The following TUSC3 variants were observed in gnomAD, a reference collection of about 807,000 sequenced individuals.
TUSC3 encodes tumor suppressor candidate 3, also known as dolichyl-diphosphooligosaccharide--protein glycosyltransferase subunit TUSC3.
Under a neutral mutation model 44.8 loss-of-function variants are expected in TUSC3, and 45 were observed. The ratio of observed to expected loss-of-function variants is 1.00; its 90% confidence interval spans 0.79 to 1.29. The LOEUF (loss-of-function observed/expected upper bound fraction) is 1.29, where lower values mean the gene tolerates loss of function less well. TUSC3 is among the 50% of genes most tolerant of loss of function. The probability of loss-of-function intolerance (pLI) is 0.00; values close to 1 mark genes in which losing one functional copy is unlikely to be tolerated. For synonymous variants in TUSC3, 212 were observed against 152.9 expected (o/e 1.39, Z -2.85); for missense variants, 519 against 437.9 (o/e 1.19, Z -1.65).
chr8:15,496,113 T>C lies in TUSC3; in HGVS notation n.189+12630T>C, dbSNP rs565845079. ...AGAGGAAAGCCACGACCACTAAAATTAGTGATGCTCATGCCCCTCTCAATA... is the reference window on the plus strand; with the variant it reads ...AGAGGAAAGCCACGACCACTAAAATCAGTGATGCTCATGCCCCTCTCAATA... On this transcript the variant is annotated intron_variant and non_coding_transcript_variant, in intron 2 of 5. Coordinates refer to the TUSC3 transcript ENST00000503191. 1.9e-3 allele frequency among the ~76,000 whole-genome samples: 287 copies of C among 152,280 alleles called. 3 individuals are homozygous for C. The highest frequency in any genetic ancestry group is 6.4e-3 in the African/African-American group (268 of 41,570).
chr8:15,787,263 T>G, the TUSC3 span, among the ~76,000 whole-genome samples: 2 of 152,170 alleles, frequency 1.3e-5, no homozygotes, highest in African/African-American at 4.8e-5. Context: ...AAGCTATTTT[T>G]ACAATCAGCA....
chr8:15,610,374 G>T (rs1804707792), intron 1 of TUSC3, among the ~76,000 whole-genome samples: 1 of 152,112 alleles, frequency 6.6e-6, no homozygotes, highest in Non-Finnish European at 1.5e-5. Context: ...GAGTAGTTAA[G>T]TTTCTCATGG....
chr8:15,740,874 A>T (rs1439877850), intron 7 of TUSC3, among the ~76,000 whole-genome samples: 1 of 152,218 alleles, frequency 6.6e-6, no homozygotes, highest in African/African-American at 2.4e-5. Context: ...GCATTTGGAA[A>T]CAAATGCCAT....
intron 6 of TUSC3, among the ~76,000 whole-genome samples, chr8:15,730,414 T>G (rs1322399871): frequency 1.3e-5 from 2 of 152,166 alleles, no homozygotes; most frequent in African/African-American, 4.8e-5. Context: ...GATAAATCCT[T>G]TAACAAGTTA....
intron 1 of TUSC3, among the ~76,000 whole-genome samples, chr8:15,440,752 A>C (rs189564585): frequency 6.6e-6 from 1 of 152,326 alleles, no homozygotes. Context: ...TTCTTCAGGA[A>C]ACTATGTCTT....
Position 15,687,149 on chromosome 8 carries a change from T to C in TUSC3, c.798+13313T>C, listed in dbSNP as rs142975428. On this transcript the variant is annotated intron_variant, in intron 6 of 10. Coordinates refer to ENST00000503731, the MANE Select transcript of TUSC3 (RefSeq NM_006765.4). ...TAAGGATATACAGAAATCTTGATGTTAGTATTTGGAATTGAGATTCTTCCC... is the reference window on the plus strand; with the variant it reads ...TAAGGATATACAGAAATCTTGATGTCAGTATTTGGAATTGAGATTCTTCCC... 8.9e-4 allele frequency among the ~76,000 whole-genome samples: 135 copies of C among 152,304 alleles called. 1 individual carries two copies. The highest frequency in any genetic ancestry group is 3.4e-3 in the Middle Eastern group (1 of 294).
chr8:15,666,119 C>T (rs1302555423), intron 5 of TUSC3, among the ~76,000 whole-genome samples: 1 of 151,272 alleles, frequency 6.6e-6, no homozygotes, highest in Admixed American at 6.6e-5. Flanking sequence ...GACTTGGAAC[C>T]AAAATGAGTT....
At chr8:15,485,316 C>G (rs373819108) in intron 2 of TUSC3, among the ~76,000 whole-genome samples, 12 of 152,276 alleles carry the variant, frequency 7.9e-5, no homozygotes, top group African/African-American at 2.9e-4. Flanking sequence ...TTCCAGGGTT[C>G]ATCACCAGGT....
At chr8:15,478,318 A>C (rs528418408) in intron 1 of TUSC3, among the ~76,000 whole-genome samples, 1 of 152,174 alleles carries the variant, frequency 6.6e-6, no homozygotes, top group East Asian at 1.9e-4. Context: ...CAGGATGTGC[A>C]GGGTTTTTAC....
chr8:15,443,582 G>T (rs761667220), intron 1 of TUSC3, among the ~76,000 whole-genome samples: 2 of 152,018 alleles, frequency 1.3e-5, no homozygotes, highest in Non-Finnish European at 2.9e-5. Context: ...ATTCCTTCCT[G>T]GGTGTAGGCT....
intron 1 of TUSC3, among the ~76,000 whole-genome samples, chr8:15,428,692 GT>G (rs1329776648): frequency 6.6e-6 from 1 of 152,148 alleles, no homozygotes; most frequent in Non-Finnish European, 1.5e-5. Flanking sequence ...TCTCATTGTG[GT>G]TTTGATTTGC....
rs148559986 is a variant in TUSC3 at position 15,707,556 on chromosome 8, A to T, written c.799-23110A>T. On this transcript the variant is annotated intron_variant, in intron 6 of 10. Coordinates refer to ENST00000503731, the MANE Select transcript of TUSC3 (RefSeq NM_006765.4). ...CAGGCCTGTAGGGGAAATGATATGT[A>T]AGTAGACAACAGCCATGCAGCTTGG... 1.3e-4 allele frequency among the ~76,000 whole-genome samples: 20 copies of T among 152,110 alleles called. No individual in the cohort carries two copies. In the East Asian group the frequency reaches 3.7e-3, roughly 28 times the overall value.
the TUSC3 span, among the ~76,000 whole-genome samples, chr8:15,821,718 A>G: frequency 6.6e-6 from 1 of 151,946 alleles, no homozygotes; most frequent in East Asian, 1.9e-4. Flanking sequence ...TTCCTTCACA[A>G]TCTGCCCCCT....
the TUSC3 span, among the ~76,000 whole-genome samples, chr8:15,780,602 G>C: frequency 6.6e-6 from 1 of 152,166 alleles, no homozygotes; most frequent in African/African-American, 2.4e-5. Flanking sequence ...ATTAGCTTCT[G>C]ACTAGTCTGC....
intron 4 of TUSC3, among the ~76,000 whole-genome samples, chr8:15,660,040 C>G (rs752916562): frequency 1.2e-4 from 19 of 152,016 alleles, no homozygotes; most frequent in South Asian, 4.1e-4. Flanking sequence ...AATGTCTACT[C>G]AGATTTACTG....
the TUSC3 span, chr8:15,807,074 G>C: frequency 7.2e-7 from 1 of 1,391,134 alleles, no homozygotes; most frequent in Non-Finnish European, 1.0e-6. Flanking sequence ...GCTCACAGCA[G>C]TATTTGGCAA....
chr8:15,558,970 T>G (rs529822635), intron 1 of TUSC3, among the ~76,000 whole-genome samples: 131 of 150,658 alleles, frequency 8.7e-4, no homozygotes, highest in African/African-American at 3.1e-3. Context: ...GATTCATTAA[T>G]TTTTTGAAGG....
At chr8:15,503,460 A>G (rs1420330966) in intron 2 of TUSC3, among the ~76,000 whole-genome samples, 1 of 152,026 alleles carries the variant, frequency 6.6e-6, no homozygotes, top group Non-Finnish European at 1.5e-5. Flanking sequence ...CTTCTGCCCT[A>G]TGATCTGAAA....
chr8:15,484,169 C>A (rs1053953533), intron 2 of TUSC3, among the ~76,000 whole-genome samples: 10 of 151,988 alleles, frequency 6.6e-5, no homozygotes, highest in Non-Finnish European at 1.3e-4. Context: ...TAAATTAGGT[C>A]TATTTTTAGT....
Sources: gnomAD v4.1 joint callset for allele counts (sites outside exome capture counted in the v4.1 genomes callset) on GRCh38, gnomAD v4.1.1 for gene constraint, MANE v1.5 for transcripts, NCBI Gene and HGNC (gene_info 2026-07-23, HGNC 2026-07-21) for gene names.